Variants in DHRSX observed in about 807,000 individuals in gnomAD.
DHRSX encodes dehydrogenase/reductase X-linked.
A neutral mutation model predicts 34.0 loss-of-function variants in DHRSX; 31 were observed. The observed-to-expected ratio is 0.91, with a 90% confidence interval of 0.69 to 1.23. DHRSX has a LOEUF of 1.23. Among genes scored for constraint, DHRSX ranks in the 50% most tolerant of loss-of-function variants. The pLI, the probability that DHRSX is intolerant of heterozygous loss-of-function variation, is 0.00. For synonymous variants in DHRSX, 201 were observed against 183.8 expected (o/e 1.09, Z -0.76); for missense variants, 414 against 428.1 (o/e 0.97, Z 0.29).
intron 3 of DHRSX, among the ~76,000 whole-genome samples, chrX:2,324,952 T>TC (rs1172434239): frequency 1.3e-5 from 2 of 150,210 alleles, no homozygotes; most frequent in East Asian, 3.9e-4. Flanking sequence ...TTTTGTTTTT[T>TC]TTTTTTTTAG....
chrX:2,481,639 C>T (rs1176119747), intron 1 of DHRSX, among the ~76,000 whole-genome samples: 1 of 152,020 alleles, frequency 6.6e-6, no homozygotes, highest in African/African-American at 2.4e-5. Flanking sequence ...GCACTCCAGC[C>T]TGGGCAACAA....
At chrX:2,314,431 AAGGG>A (rs1242547709) in intron 3 of DHRSX, among the ~76,000 whole-genome samples, 3 of 93,696 alleles carry the variant, frequency 3.2e-5, no homozygotes, top group African/African-American at 2.3e-4. Flanking sequence ...GGAAGGGGAG[AAGGG>A]AGGAAGGAAG....
At chrX:2,304,124 A>ATGGATGGATGG (rs2042062838) in intron 3 of DHRSX, among the ~76,000 whole-genome samples, 7 of 17,180 alleles carry the variant, frequency 4.1e-4, no homozygotes, top group African/African-American at 6.0e-4. Flanking sequence ...TGGATGGATA[A>ATGGATGGATGG]ATGGATGGAT....
intron 6 of DHRSX, among the ~76,000 whole-genome samples, chrX:2,238,002 G>T (rs1569478174): frequency 1.3e-5 from 2 of 152,064 alleles, no homozygotes; most frequent in African/African-American, 4.8e-5. Flanking sequence ...TCCTACGGAG[G>T]CTGAGACCAT....
At position 2,342,469 on chromosome X, in the gene DHRSX, C is replaced by A. The variant is rs187513421; in HGVS notation, c.287-50866G>T. Among the ~76,000 whole-genome samples the A allele has an allele frequency of 6.0e-4, 91 of 152,042 alleles. 1 individual carries two copies. The highest frequency in any genetic ancestry group is 1.9e-3 in the African/African-American group (77 of 41,564). Reference sequence around the variant, plus strand: ...TGACCATGAGTTCGACGGTGCCCAGCAAGCCCATCTGGCCAGCACTTATCT... The same window carrying A: ...TGACCATGAGTTCGACGGTGCCCAGAAAGCCCATCTGGCCAGCACTTATCT... On this transcript the variant is annotated intron_variant, in intron 3 of 6. Transcript: ENST00000334651.
At chrX:2,433,571 C>T (rs948939740) in intron 1 of DHRSX, among the ~76,000 whole-genome samples, 1 of 152,030 alleles carries the variant, frequency 6.6e-6, no homozygotes, top group Non-Finnish European at 1.5e-5. Context: ...CAGCCCCCAG[C>T]AGGTTCTGGT....
intron 3 of DHRSX, among the ~76,000 whole-genome samples, chrX:2,320,258 C>G (rs1184539385): frequency 1.3e-5 from 2 of 151,452 alleles, no homozygotes; most frequent in African/African-American, 4.9e-5. Context: ...TCATATGACC[C>G]AAAGAGCTTC....
intron 1 of DHRSX, among the ~76,000 whole-genome samples, chrX:2,463,619 C>T (rs2044433813): frequency 6.6e-6 from 1 of 152,064 alleles, no homozygotes; most frequent in South Asian, 2.1e-4. Context: ...TGGTATCAAG[C>T]GTGTAGGGGA....
At chrX:2,293,636 C>T (rs1447108691) in intron 3 of DHRSX, among the ~76,000 whole-genome samples, 1 of 152,088 alleles carries the variant, frequency 6.6e-6, no homozygotes, top group Admixed American at 6.6e-5. Context: ...AGGGAGCGAG[C>T]AGAGGCTGGT....
intron 4 of DHRSX, among the ~76,000 whole-genome samples, chrX:2,282,614 A>AGGGGAGAGAGAAGAAAGG (rs2041724440): frequency 7.9e-6 from 1 of 126,512 alleles, no homozygotes; most frequent in Non-Finnish European, 1.6e-5. Context: ...GAGAAGAAAG[A>AGGGGAGAGAGAAGAAAGG]GGGGAGGGAG....
At chrX:2,259,606 A>T (rs1363347402) in intron 5 of DHRSX, among the ~76,000 whole-genome samples, 3 of 152,138 alleles carry the variant, frequency 2.0e-5, no homozygotes, top group African/African-American at 7.2e-5. Flanking sequence ...AAAGTCACAG[A>T]AATTCATCCA....
chrX:2,431,883 G>A (rs1450047738), intron 1 of DHRSX, among the ~76,000 whole-genome samples: 2 of 152,198 alleles, frequency 1.3e-5, no homozygotes, highest in East Asian at 1.9e-4. Flanking sequence ...ACCTGCACAT[G>A]TACCCCCGAA....
intron 5 of DHRSX, among the ~76,000 whole-genome samples, chrX:2,246,708 G>GAA: frequency 1.2e-5 from 1 of 82,320 alleles, no homozygotes; most frequent in East Asian, 2.5e-4. Flanking sequence ...GAAAGAAAGA[G>GAA]AAAGAAAGAA....
At chrX:2,393,805 CA>C (rs2043373517) in intron 3 of DHRSX, among the ~76,000 whole-genome samples, 1 of 59,338 alleles carries the variant, frequency 1.7e-5, no homozygotes, top group Non-Finnish European at 3.7e-5. Flanking sequence ...GTCTCCTGCA[CA>C]CACGACACAC....
At chrX:2,415,080 T>G (rs1331242817) in intron 2 of DHRSX, among the ~76,000 whole-genome samples, 7 of 151,614 alleles carry the variant, frequency 4.6e-5, no homozygotes, top group Non-Finnish European at 5.9e-5. Flanking sequence ...TCCAACTAGA[T>G]CTCATCATAA....
At chrX:2,286,295 T>G (rs757133334) in intron 4 of DHRSX, among the ~76,000 whole-genome samples, 1 of 151,506 alleles carries the variant, frequency 6.6e-6, no homozygotes, top group Non-Finnish European at 1.5e-5. Flanking sequence ...TTGCACACCA[T>G]GAAGATGAAT....
chrX:2,243,333 CA>C, intron 5 of DHRSX, 103 bp from the exon 6 acceptor site: 1 of 953,046 alleles, frequency 1.0e-6, no homozygotes, highest in Non-Finnish European at 1.6e-6. Context: ...CGTCTATACG[CA>C]GCCACCTCCC....
At chrX:2,296,448 G>T (rs1258073368) in intron 3 of DHRSX, among the ~76,000 whole-genome samples, 1 of 152,134 alleles carries the variant, frequency 6.6e-6, no homozygotes, top group African/African-American at 2.4e-5. Flanking sequence ...AAAAGGAAAT[G>T]CATAGACCCG....
At chrX:2,362,194 C>T (rs1039062922) in intron 3 of DHRSX, among the ~76,000 whole-genome samples, 2 of 152,080 alleles carry the variant, frequency 1.3e-5, no homozygotes, top group Non-Finnish European at 2.9e-5. Context: ...ATTTTCAAGA[C>T]TCATATTTCA....
Sources: gnomAD v4.1 joint callset for allele counts (sites outside exome capture counted in the v4.1 genomes callset) on GRCh38, gnomAD v4.1.1 for gene constraint, MANE v1.5 for transcripts, NCBI Gene and HGNC (gene_info 2026-07-23, HGNC 2026-07-21) for gene names.